ME1: variants seen among roughly 807,000 people sequenced by gnomAD.
The protein encoded by ME1 is malic enzyme 1, also known as NADP-dependent malic enzyme.
Under a neutral mutation model 66.4 loss-of-function variants are expected in ME1, and 74 were observed. The observed-to-expected ratio is 1.11, with a 90% CI of 0.92 to 1.35. The LOEUF (loss-of-function observed/expected upper bound fraction) is 1.35. Among genes scored for constraint, ME1 ranks in the 40% most tolerant of loss-of-function variants. The pLI is 0.00. For missense variants in ME1, 750 were observed against 694.1 expected (o/e 1.08, Z -0.90); for synonymous variants, 251 against 235.6 (o/e 1.07, Z -0.60).
chr6:83,340,294 A>G (rs987856703), intron 5 of ME1, among the ~76,000 whole-genome samples: 4 of 152,144 alleles, frequency 2.6e-5, no homozygotes, highest in African/African-American at 9.7e-5. Flanking sequence ...GAATTTTCTG[A>G]ATAATAAAAA....
intron 1 of ME1, among the ~76,000 whole-genome samples, chr6:83,425,973 T>A (rs1459921668): frequency 6.6e-6 from 1 of 152,192 alleles, no homozygotes; most frequent in Non-Finnish European, 1.5e-5. Context: ...ACTAGTATTG[T>A]TAATGCAGGA....
chr6:83,412,439 G>T (rs1229673971), intron 1 of ME1, among the ~76,000 whole-genome samples: 1 of 151,952 alleles, frequency 6.6e-6, no homozygotes, highest in Non-Finnish European at 1.5e-5. Flanking sequence ...CACTTCATAG[G>T]CAATCAAAAA....
intron 6 of ME1, among the ~76,000 whole-genome samples, chr6:83,300,713 T>A (rs752004268): frequency 6.9e-6 from 1 of 145,100 alleles, no homozygotes; most frequent in Non-Finnish European, 1.5e-5. Context: ...ATCCAAAGGA[T>A]TGCAAATCAT....
intron 5 of ME1, among the ~76,000 whole-genome samples, chr6:83,342,583 TA>T (rs1283195193): frequency 6.6e-6 from 1 of 152,256 alleles, no homozygotes; most frequent in African/African-American, 2.4e-5. Context: ...TATTGATACA[TA>T]AATTTGTATA....
At chr6:83,228,780 G>T in intron 10 of ME1, 46 bp downstream of exon 10, 1 of 1,292,398 alleles carries the variant, frequency 7.7e-7, no homozygotes, top group Non-Finnish European at 1.1e-6. Context: ...AAAACAATCA[G>T]GTCAAAATAA....
chr6:83,301,613 G>T (rs1436861729), intron 6 of ME1, among the ~76,000 whole-genome samples: 2 of 152,082 alleles, frequency 1.3e-5, no homozygotes, highest in Non-Finnish European at 2.9e-5. Flanking sequence ...AAAGTGCTGG[G>T]ATTACAGGCA....
intron 3 of ME1, among the ~76,000 whole-genome samples, chr6:83,359,321 T>C (rs1251196380): frequency 1.3e-5 from 2 of 152,074 alleles, no homozygotes; most frequent in African/African-American, 4.8e-5. Flanking sequence ...AGAAGTGAGG[T>C]TGAAAGTGTG....
Position 83,407,901 on chromosome 6 carries a change from C to A in ME1, c.79G>T (p.Asp27Tyr). 1 of 1,596,080 alleles carries A rather than the reference C, an allele frequency of 6.3e-7. No homozygotes were observed. Among genetic ancestry groups the A allele is most frequent in the Admixed American group, 1.8e-5 (1 of 54,170 alleles). ...LLTRNPHLNK[D>Y]LAFTLEERQQ... ...CTCTCTTCCAGGGTAAAGGCCAAGTCCTATAGAGAAAAAACACACACACAC... is the reference window on the plus strand; with the variant it reads ...CTCTCTTCCAGGGTAAAGGCCAAGTACTATAGAGAAAAAACACACACACAC... Residue 27 changes from aspartate to tyrosine, a missense_variant and splice_region_variant, in exon 2 of 14, where the codon GAC (aspartate) becomes TAC (tyrosine). By Grantham distance (160) the Asp-to-Tyr change is radical. Transcript: ENST00000369705.
chr6:83,225,301 G>A (rs572134721), intron 11 of ME1, among the ~76,000 whole-genome samples: 10 of 151,574 alleles, frequency 6.6e-5, no homozygotes, highest in African/African-American at 2.4e-4. Context: ...CTGTGATGGT[G>A]AGAGTGGACA....
At chr6:83,234,634 T>G (rs1482063449) in intron 9 of ME1, among the ~76,000 whole-genome samples, 1 of 152,196 alleles carries the variant, frequency 6.6e-6, no homozygotes, top group Non-Finnish European at 1.5e-5. Context: ...TTCACTCACC[T>G]CTGGTTATGC....
intron 6 of ME1, among the ~76,000 whole-genome samples, chr6:83,306,434 G>A (rs1236312750): frequency 2.0e-5 from 3 of 151,624 alleles, no homozygotes; most frequent in African/African-American, 7.3e-5. Flanking sequence ...AAATATTAAG[G>A]GCTTTCTCTA....
At chr6:83,275,317 G>A (rs536436475) in intron 6 of ME1, among the ~76,000 whole-genome samples, 1 of 149,402 alleles carries the variant, frequency 6.7e-6, no homozygotes, top group Non-Finnish European at 1.5e-5. Flanking sequence ...CTGGGGGACA[G>A]AGTGAGACTC....
rs61055748 is a variant in ME1, at chr6:83,298,931, G to GTTTT, written c.704+16375_704+16378dup. Among the ~76,000 whole-genome samples the GTTTT allele has an allele frequency of 2.4e-3, 54 of 22,488 alleles. 8 individuals are homozygous for GTTTT. The highest frequency in any genetic ancestry group is 3.6e-3 in the Non-Finnish European group (46 of 12,858). 14.8% of individuals were successfully genotyped at this position (22,488 alleles called of 152,430 possible). A position where few individuals can be genotyped will look rare whatever the true frequency, so the allele number is the denominator to read the frequency against. Reference sequence around the variant, plus strand: ...TGCTGTTCCATTAGTCTATGTGTCTGTTTTTTTTTTTTTTTTTTTTTTTTT... The same window carrying GTTTT: ...TGCTGTTCCATTAGTCTATGTGTCTGTTTTTTTTTTTTTTTTTTTTTTTTTTTTT... On this transcript the variant is annotated intron_variant, in intron 6 of 13. Coordinates refer to ENST00000369705, the MANE Select transcript of ME1 (RefSeq NM_002395.6).
rs577328544 is a variant in ME1, at chr6:83,235,662, C to T, written c.1026+2055G>A. The stretch of plus-strand genomic sequence containing the variant: ...ATTTTTTTTGTATTTTTAGTAGAGA[C>T]GGGGTTTCACCCTGTTAGCCAGGAT... On this transcript the variant is annotated intron_variant, in intron 9 of 13. Transcript: ENST00000369705. Among the ~76,000 whole-genome samples, 46 of 151,860 alleles carry T rather than the reference C, an allele frequency of 3.0e-4. No individual in the cohort carries two copies. In the East Asian group the frequency reaches 3.5e-3, roughly 12 times the overall value.
intron 6 of ME1, among the ~76,000 whole-genome samples, chr6:83,312,807 C>T (rs928218071): frequency 4.0e-5 from 6 of 151,838 alleles, no homozygotes; most frequent in Admixed American, 1.3e-4. Context: ...GGCTGGAGTG[C>T]GGGGTGGTGT....
At chr6:83,408,860 T>A (rs1769993774) in intron 1 of ME1, among the ~76,000 whole-genome samples, 1 of 152,112 alleles carries the variant, frequency 6.6e-6, no homozygotes, top group Non-Finnish European at 1.5e-5. Flanking sequence ...TTCCTCTGGG[T>A]CCAGGATAAG....
chr6:83,361,522 C>T (rs1251525446), intron 3 of ME1, among the ~76,000 whole-genome samples: 1 of 152,204 alleles, frequency 6.6e-6, no homozygotes, highest in East Asian at 1.9e-4. Flanking sequence ...CCATATGACC[C>T]AGCAGACCCA....
intron 2 of ME1, among the ~76,000 whole-genome samples, chr6:83,407,168 G>A (rs1212183702): frequency 6.6e-6 from 1 of 152,064 alleles, no homozygotes; most frequent in East Asian, 1.9e-4. Flanking sequence ...GTCTACAAAG[G>A]CTTAGTACCT....
At chr6:83,375,095 A>C (rs985081383) in intron 3 of ME1, among the ~76,000 whole-genome samples, 1 of 152,162 alleles carries the variant, frequency 6.6e-6, no homozygotes, top group Non-Finnish European at 1.5e-5. Flanking sequence ...CTTTGATTCC[A>C]TATGAAATTT....
Sources: gnomAD v4.1 joint callset for allele counts (sites outside exome capture counted in the v4.1 genomes callset) on GRCh38, gnomAD v4.1.1 for gene constraint, MANE v1.5 for transcripts, NCBI Gene and HGNC (gene_info 2026-07-23, HGNC 2026-07-21) for gene names.